Variants in P2RY8 observed in about 807,000 individuals in gnomAD.
The protein encoded by P2RY8 is P2Y receptor family member 8.
In P2RY8, 6 loss-of-function variants were observed where a neutral mutation model predicts 10.0. The observed-to-expected ratio is 0.60, with a 90% CI of 0.33 to 1.19. The LOEUF is 1.19. Ranked by LOEUF, P2RY8 falls within the 50% of genes most tolerant of loss-of-function variation. The pLI is 0.04. For synonymous variants in P2RY8, 276 were observed against 252.5 expected (o/e 1.09, Z -0.88); for missense variants, 456 against 542.0 (o/e 0.84, Z 1.58).
intron 1 of P2RY8, among the ~76,000 whole-genome samples, chrX:1,509,000 G>A (rs866726460): frequency 0.03 from 1,417 of 47,716 alleles, no homozygotes; most frequent in Middle Eastern, 0.067. Context: ...TCCTGTATGT[G>A]TTCATCCATC....
intron 1 of P2RY8, among the ~76,000 whole-genome samples, chrX:1,487,107 C>T (rs1235694689): frequency 1.3e-5 from 2 of 152,204 alleles, no homozygotes; most frequent in Admixed American, 6.5e-5. Flanking sequence ...CTGATTTGAG[C>T]TTGGCTGGGC....
intron 1 of P2RY8, among the ~76,000 whole-genome samples, chrX:1,493,337 AGGGG>A (rs1467717828): frequency 0.99 from 58,667 of 59,138 alleles, 29,179 homozygotes; most frequent in Middle Eastern, 1. Context: ...AGGGGAGGGG[AGGGG>A]AGGGGAGGGG....
intron 1 of P2RY8, among the ~76,000 whole-genome samples, chrX:1,476,690 C>T (rs2091878148): frequency 6.6e-6 from 1 of 152,044 alleles, no homozygotes; most frequent in Non-Finnish European, 1.5e-5. Flanking sequence ...ACCTAGAAGG[C>T]TTCCCCTACC....
At chrX:1,481,251 C>T (rs2091932139) in intron 1 of P2RY8, among the ~76,000 whole-genome samples, 1 of 152,142 alleles carries the variant, frequency 6.6e-6, no homozygotes, top group South Asian at 2.1e-4. Flanking sequence ...TCCCTGCAAC[C>T]TCCGCCTCCC....
At chrX:1,483,336 C>T (rs1310256830) in intron 1 of P2RY8, among the ~76,000 whole-genome samples, 1 of 151,906 alleles carries the variant, frequency 6.6e-6, no homozygotes, top group Non-Finnish European at 1.5e-5. Flanking sequence ...GCGGGGTTTC[C>T]TTAAAACCCA....
At chrX:1,466,766 T>C (rs1369861138) in intron 1 of P2RY8, among the ~76,000 whole-genome samples, 184 bp from the exon 2 acceptor site, 1 of 124,296 alleles carries the variant, frequency 8.0e-6, no homozygotes, top group African/African-American at 2.9e-5. Flanking sequence ...CTTCCCTCCC[T>C]CTCTGCCTCC....
chrX:1,508,017 G>T (rs576654537), intron 1 of P2RY8, among the ~76,000 whole-genome samples: 1 of 152,082 alleles, frequency 6.6e-6, no homozygotes, highest in South Asian at 2.1e-4. Flanking sequence ...CTTTCACCCC[G>T]TATGGCGTGT....
At chrX:1,493,707 G>A (rs1334030355) in intron 1 of P2RY8, among the ~76,000 whole-genome samples, 3 of 152,176 alleles carry the variant, frequency 2.0e-5, no homozygotes, top group Non-Finnish European at 4.4e-5. Context: ...CCAGCATCTC[G>A]GCGTGGGCCG....
intron 1 of P2RY8, among the ~76,000 whole-genome samples, chrX:1,485,648 A>G (rs1205054060): frequency 6.8e-6 from 1 of 147,972 alleles, no homozygotes; most frequent in African/African-American, 2.5e-5. Flanking sequence ...TATATTATTT[A>G]TATATATTAT....
intron 1 of P2RY8, among the ~76,000 whole-genome samples, chrX:1,468,010 T>G (rs1347564813): frequency 6.6e-6 from 1 of 150,418 alleles, no homozygotes; most frequent in Admixed American, 6.7e-5. Context: ...GATACACAGT[T>G]TTGCTACATT....
At chrX:1,532,515 ATATGATGTG>A (rs1249146866) in intron 1 of P2RY8, among the ~76,000 whole-genome samples, 26 of 150,092 alleles carry the variant, frequency 1.7e-4, no homozygotes, top group East Asian at 3.9e-4. Context: ...GTATAGATGT[ATATGATGTG>A]TATATATATA....
At chrX:1,525,772 G>GTCCA (rs200299129) in intron 1 of P2RY8, among the ~76,000 whole-genome samples, 216 of 148,314 alleles carry the variant, frequency 1.5e-3, no homozygotes, top group Non-Finnish European at 2.5e-3. Flanking sequence ...CCATCCATCT[G>GTCCA]TCCATCCATC....
intron 1 of P2RY8, among the ~76,000 whole-genome samples, chrX:1,474,774 ATGGGTAGAT>A (rs2091856391): frequency 1.4e-5 from 2 of 144,694 alleles, no homozygotes; most frequent in African/African-American, 5.2e-5. Context: ...ATGGATGAGG[ATGGGTAGAT>A]GGATGGGTGG....
At position 1,463,569 on chromosome X, in the gene P2RY8, C is replaced by T. The variant is rs769153114; in HGVS notation, c.*1910G>A. The T allele has an allele frequency of 4.3e-6, 1 of 232,792 alleles. No individual in the cohort carries two copies. Among genetic ancestry groups the T allele is most frequent in the East Asian group, 6.0e-5 (1 of 16,548 alleles). The allele number at this position is 232,792 out of a possible 1,614,324, so 14.4% of individuals were successfully genotyped here. A position where few individuals can be genotyped will look rare whatever the true frequency, so the allele number is the denominator to read the frequency against. On this transcript the variant is annotated 3_prime_UTR_variant, in exon 2 of 2. Coordinates refer to ENST00000381297, the MANE Select transcript of P2RY8 (RefSeq NM_178129.5). The stretch of plus-strand genomic sequence containing the variant: ...TCCAGCACAATCTCATCTTCATATC[C>T]TTAAGTAATTACACATGCAAAGTTC...
rs1417076820 is a variant in P2RY8 at position 1,486,044 on chromosome X, C to T, written c.-24-19462G>A. Among the ~76,000 whole-genome samples, 5 of 152,124 alleles carry T rather than the reference C, an allele frequency of 3.3e-5. No homozygotes were observed. In the South Asian group the frequency reaches 1.0e-3, roughly 32 times the overall value. Reference sequence around the variant, plus strand: ...GACCAGCCTGGCCAACATGGTGAAACCCTGTCTTTACTAAAAATACAAAAT... The same window carrying T: ...GACCAGCCTGGCCAACATGGTGAAATCCTGTCTTTACTAAAAATACAAAAT... On this transcript the variant is annotated intron_variant, in intron 1 of 1. Transcript: ENST00000381297.
intron 1 of P2RY8, among the ~76,000 whole-genome samples, chrX:1,470,192 T>G (rs1187940096): frequency 8.1e-6 from 1 of 124,142 alleles, no homozygotes; most frequent in Non-Finnish European, 1.7e-5. Flanking sequence ...AATCCTGTTG[T>G]TACTAAAATT....
intron 1 of P2RY8, among the ~76,000 whole-genome samples, chrX:1,534,666 G>A (rs775164113): frequency 6.6e-6 from 1 of 152,262 alleles, no homozygotes; most frequent in Admixed American, 6.5e-5. Flanking sequence ...CTGATGGAGA[G>A]GCAGGGCTGA....
intron 1 of P2RY8, among the ~76,000 whole-genome samples, chrX:1,472,294 GAC>G (rs1432560556): frequency 6.6e-6 from 1 of 151,674 alleles, no homozygotes; most frequent in Non-Finnish European, 1.5e-5. Flanking sequence ...TTTAGGCACA[GAC>G]ACAGAGAGAA....
intron 1 of P2RY8, among the ~76,000 whole-genome samples, chrX:1,473,836 G>GTGGA (rs2091836116): frequency 2.2e-5 from 3 of 135,532 alleles, no homozygotes; most frequent in African/African-American, 8.4e-5. Flanking sequence ...GGGTGGATGG[G>GTGGA]TGGATGGATG....
Sources: allele counts gnomAD v4.1 joint callset (sites outside exome capture counted in the v4.1 genomes callset), GRCh38; gene constraint gnomAD v4.1.1; transcripts MANE v1.5; gene names NCBI Gene and HGNC (gene_info 2026-07-23, HGNC 2026-07-21).